RNF6: variants seen among roughly 807,000 people sequenced by gnomAD.
The protein encoded by RNF6 is ring finger protein 6.
RNF6 carries 21 observed loss-of-function variants against 50.1 expected under a neutral mutation model. That is an observed-to-expected ratio of 0.42 (90% CI 0.30 to 0.60). The LOEUF is 0.60. Ranked by LOEUF, RNF6 falls within the 20% of genes least tolerant of loss-of-function variation. The pLI is 0.20. For synonymous variants in RNF6, 255 were observed against 291.8 expected (o/e 0.87, Z 1.29); for missense variants, 698 against 838.2 (o/e 0.83, Z 2.07).
intron 5 of RNF6, among the ~76,000 whole-genome samples, chr13:26,186,608 G>A (rs1190815468): frequency 1.3e-5 from 2 of 152,230 alleles, no homozygotes; most frequent in African/African-American, 4.8e-5. Context: ...CCTCGGAATT[G>A]GGCCTCCTCG....
At chr13:26,151,707 C>T (rs553637313) in intron 5 of RNF6, among the ~76,000 whole-genome samples, 1 of 148,272 alleles carries the variant, frequency 6.7e-6, no homozygotes, top group South Asian at 2.1e-4. Context: ...GGCTAGTGCT[C>T]TAGGGCTACC....
At chr13:26,170,264 T>C (rs4770937) in intron 5 of RNF6, among the ~76,000 whole-genome samples, 112,392 of 150,632 alleles carry the variant, frequency 0.75, 42,136 homozygotes, top group East Asian at 0.81. Context: ...CTTTGAAGAG[T>C]CAAGATCCTA....
At chr13:26,211,804 CA>C (rs1869338836), downstream of RNF6, among the ~76,000 whole-genome samples, 1 of 152,082 alleles carries the variant, frequency 6.6e-6, no homozygotes, top group African/African-American at 2.4e-5. Flanking sequence ...AGTCTCTCCT[CA>C]TACTGGGGGC....
chr13:26,217,454 G>C (rs1001115168), intron 4 of RNF6, among the ~76,000 whole-genome samples: 2 of 152,230 alleles, frequency 1.3e-5, no homozygotes, highest in African/African-American at 4.8e-5. Flanking sequence ...CAGCCTGGCA[G>C]TTAGGTGTGA....
In RNF6 at chr13:26,134,041, T is replaced by C. The variant is rs7982824; in HGVS notation, n.769-1590A>G. 9.8e-3 allele frequency among the ~76,000 whole-genome samples: 1,500 copies of C among 152,290 alleles called. 18 individuals are homozygous for C. Among genetic ancestry groups the C allele is most frequent in the African/African-American group, 0.034 (1,415 of 41,564 alleles). ...GAGGTATTGCGTCATTACTGCAAGA[T>C]GGGGGATAAAGTACCAGTTGCACAC... is the stretch of plus-strand genomic sequence containing the variant. On this transcript the variant is annotated intron_variant and non_coding_transcript_variant, in intron 5 of 5. Coordinates refer to the RNF6 transcript ENST00000468480.
intron 5 of RNF6, among the ~76,000 whole-genome samples, chr13:26,173,940 A>G (rs1478616973): frequency 8.9e-6 from 1 of 111,864 alleles, no homozygotes; most frequent in Non-Finnish European, 1.8e-5. Context: ...ACAGAGCGAG[A>G]CTCCGTCTCA....
chr13:26,139,535 G>T (rs1302202256), intron 5 of RNF6, among the ~76,000 whole-genome samples: 1 of 152,036 alleles, frequency 6.6e-6, no homozygotes, highest in African/African-American at 2.4e-5. Flanking sequence ...AAATCCCACG[G>T]ATACAAATAG....
intron 5 of RNF6, among the ~76,000 whole-genome samples, chr13:26,152,513 A>G (rs1871674859): frequency 6.6e-6 from 1 of 152,222 alleles, no homozygotes; most frequent in Admixed American, 6.5e-5. Flanking sequence ...AAAATCTTGT[A>G]TGTTACACTC....
At chr13:26,143,393 G>A (rs1215329198) in intron 5 of RNF6, among the ~76,000 whole-genome samples, 1 of 152,176 alleles carries the variant, frequency 6.6e-6, no homozygotes, top group Non-Finnish European at 1.5e-5. Flanking sequence ...AGAAGCATGA[G>A]GAGCCCAAAG....
At chr13:26,143,040 G>C (rs1334382051) in intron 5 of RNF6, among the ~76,000 whole-genome samples, 1 of 152,116 alleles carries the variant, frequency 6.6e-6, no homozygotes, top group East Asian at 1.9e-4. Flanking sequence ...TTGTCATGTG[G>C]TTGTAGCTGG....
intron 5 of RNF6, among the ~76,000 whole-genome samples, chr13:26,160,525 A>ATCT (rs1361226712): frequency 8.2e-6 from 1 of 122,538 alleles, no homozygotes; most frequent in African/African-American, 3.0e-5. Context: ...CATCCAGCCT[A>ATCT]TCTTCTTCTC....
At chr13:26,222,400 G>C (rs1244456143), upstream of RNF6, 1 of 152,350 alleles carries the variant, frequency 6.6e-6, no homozygotes, top group East Asian at 1.9e-4. Context: ...CCTCCTCGAG[G>C]CCAAATGCCC....
chr13:26,219,719 T>G, intron 2 of RNF6, 52 bp from the exon 3 acceptor site: 4 of 1,467,802 alleles, frequency 2.7e-6, no homozygotes, highest in Non-Finnish European at 3.7e-6. Context: ...GGACCACATT[T>G]GGCTTTGTAT....
At chr13:26,200,588 TAG>T (rs540704087) in intron 5 of RNF6, among the ~76,000 whole-genome samples, 35 of 152,230 alleles carry the variant, frequency 2.3e-4, no homozygotes, top group Non-Finnish European at 3.8e-4. Context: ...GTATTTTTAG[TAG>T]AGACAAGTTT....
intron 5 of RNF6, among the ~76,000 whole-genome samples, chr13:26,167,023 T>A (rs1872486368): frequency 6.6e-6 from 1 of 152,226 alleles, no homozygotes; most frequent in Non-Finnish European, 1.5e-5. Context: ...GTCTTGGGTA[T>A]GTCTTTATTA....
At chr13:26,205,072 C>T (rs1225917673) in intron 5 of RNF6, among the ~76,000 whole-genome samples, 1 of 152,118 alleles carries the variant, frequency 6.6e-6, no homozygotes, top group African/African-American at 2.4e-5. Flanking sequence ...CAAACTTCCC[C>T]AAAGTCCTAC....
chr13:26,217,434 G>C (rs1489690406), intron 4 of RNF6, among the ~76,000 whole-genome samples: 1 of 152,190 alleles, frequency 6.6e-6, no homozygotes, highest in Non-Finnish European at 1.5e-5. Flanking sequence ...ATCGGAAATT[G>C]GCTCGTGGAC....
At chr13:26,157,090 A>G (rs1482113669) in intron 5 of RNF6, among the ~76,000 whole-genome samples, 1 of 152,150 alleles carries the variant, frequency 6.6e-6, no homozygotes, top group African/African-American at 2.4e-5. Flanking sequence ...AATGACTGCT[A>G]GTGGGTATGG....
At chr13:26,147,407 G>T (rs1871306584) in intron 5 of RNF6, among the ~76,000 whole-genome samples, 1 of 152,214 alleles carries the variant, frequency 6.6e-6, no homozygotes, top group Non-Finnish European at 1.5e-5. Flanking sequence ...GGAATGTTAG[G>T]TTAATATTTT....
Sources: allele counts gnomAD v4.1 joint callset (sites outside exome capture counted in the v4.1 genomes callset), GRCh38; gene constraint gnomAD v4.1.1; transcripts MANE v1.5; gene names NCBI Gene and HGNC (gene_info 2026-07-23, HGNC 2026-07-21).